The following TFB1M variants were observed in gnomAD, a reference collection of about 807,000 sequenced individuals.
The protein encoded by TFB1M is transcription factor B1, mitochondrial.
A neutral mutation model predicts 31.1 loss-of-function variants in TFB1M; 27 were observed. That is an observed-to-expected ratio of 0.87 (90% CI 0.64 to 1.20). The LOEUF (loss-of-function observed/expected upper bound fraction) is 1.20. Among genes scored for constraint, TFB1M ranks in the 50% most tolerant of loss-of-function variants. TFB1M has a pLI of 0.00. For synonymous variants in TFB1M, 166 were observed against 151.8 expected (o/e 1.09, Z -0.69); for missense variants, 394 against 418.7 (o/e 0.94, Z 0.51).
the TFB1M span, among the ~76,000 whole-genome samples, chr6:155,239,649 C>G: frequency 6.6e-6 from 1 of 152,206 alleles, no homozygotes; most frequent in Non-Finnish European, 1.5e-5. Flanking sequence ...AGTGGTCCCC[C>G]CAGATGGTCA....
At chr6:155,260,721 A>C in intron 5 of TFB1M, 1 of 395,714 alleles carries the variant, frequency 2.5e-6, no homozygotes, top group Non-Finnish European at 4.8e-6. Flanking sequence ...TCAGCAGATA[A>C]TAGATGGCAT....
chr6:155,279,529 G>A (rs1451841019), intron 5 of TFB1M, among the ~76,000 whole-genome samples: 2 of 152,076 alleles, frequency 1.3e-5, no homozygotes, highest in African/African-American at 2.4e-5. Context: ...GGCCCACTAG[G>A]GTAGTTAGAC....
At chr6:155,281,705 G>A (rs1420508627) in intron 5 of TFB1M, among the ~76,000 whole-genome samples, 3 of 124,180 alleles carry the variant, frequency 2.4e-5, no homozygotes, top group African/African-American at 9.5e-5. Flanking sequence ...CTGGGCGGCA[G>A]AGTGAGACTC....
At chr6:155,240,715 G>A in the TFB1M span, 1 of 1,606,026 alleles carries the variant, frequency 6.2e-7, no homozygotes, top group South Asian at 1.1e-5. Flanking sequence ...TGAAGGTAAG[G>A]GAAGAGCTGG....
At chr6:155,288,140 T>C (rs1776749207) in intron 4 of TFB1M, among the ~76,000 whole-genome samples, 1 of 152,178 alleles carries the variant, frequency 6.6e-6, no homozygotes, top group East Asian at 1.9e-4. Flanking sequence ...AAAAAATAGG[T>C]TCTGTGTGAG....
chr6:155,266,171 C>G (rs927585706), intron 5 of TFB1M, among the ~76,000 whole-genome samples: 1 of 152,110 alleles, frequency 6.6e-6, no homozygotes, highest in Non-Finnish European at 1.5e-5. Context: ...AGTTGACACT[C>G]AGTGTTAACC....
chr6:155,238,462 G>A, the TFB1M span, among the ~76,000 whole-genome samples: 1 of 152,050 alleles, frequency 6.6e-6, no homozygotes, highest in African/African-American at 2.4e-5. Flanking sequence ...CAGTGCCCCC[G>A]ACTCAAAAGA....
At chr6:155,241,697 G>A in the TFB1M span, among the ~76,000 whole-genome samples, 1 of 152,152 alleles carries the variant, frequency 6.6e-6, no homozygotes, top group African/African-American at 2.4e-5. Context: ...TGGCCTCAGA[G>A]GGGAGAAAGG....
intron 5 of TFB1M, among the ~76,000 whole-genome samples, chr6:155,283,969 A>G (rs374934518): frequency 6.6e-6 from 1 of 152,218 alleles, no homozygotes; most frequent in Non-Finnish European, 1.5e-5. Flanking sequence ...TCTGTCTTGG[A>G]TCTAATTATT....
downstream of TFB1M, chr6:155,253,223 G>A: frequency 1.8e-6 from 1 of 550,768 alleles, no homozygotes; most frequent in Non-Finnish European, 3.2e-6. Context: ...ACTTCTGGGA[G>A]AAACTAAATG....
chr6:155,251,605 T>TATA (rs756106883), downstream of TFB1M, among the ~76,000 whole-genome samples: 7 of 152,190 alleles, frequency 4.6e-5, no homozygotes, highest in Non-Finnish European at 8.8e-5. Context: ...GCTATCTTAA[T>TATA]AGTCTGCTGT....
chr6:155,276,043 A>G, intron 5 of TFB1M: 2 of 1,614,110 alleles, frequency 1.2e-6, no homozygotes, highest in South Asian at 2.2e-5. Context: ...CTCGCTTAGG[A>G]GGGGACAGAG....
chr6:155,237,653 A>C, the TFB1M span, among the ~76,000 whole-genome samples: 2 of 152,254 alleles, frequency 1.3e-5, no homozygotes, highest in Non-Finnish European at 2.9e-5. Context: ...ACTTATGTGC[A>C]CTGGCAGGCT....
At chr6:155,280,104 T>G (rs147548502) in intron 5 of TFB1M, among the ~76,000 whole-genome samples, 2 of 152,242 alleles carry the variant, frequency 1.3e-5, no homozygotes, top group Non-Finnish European at 2.9e-5. Flanking sequence ...TATTAAATGT[T>G]CCTGGTTGAA....
intron 2 of TFB1M, among the ~76,000 whole-genome samples, chr6:155,306,783 A>C (rs745835764): frequency 6.6e-6 from 1 of 152,156 alleles, no homozygotes; most frequent in Non-Finnish European, 1.5e-5. Context: ...ATGAGTGTTT[A>C]TTTTCTTGAT....
At chr6:155,290,329 C>G (rs533537520) in intron 4 of TFB1M, among the ~76,000 whole-genome samples, 1 of 142,826 alleles carries the variant, frequency 7.0e-6, no homozygotes, top group Non-Finnish European at 1.5e-5. Flanking sequence ...GGGCTTGCAG[C>G]GAGCCGAGAT....
At chr6:155,244,114 C>G in the TFB1M span, 2 of 1,584,076 alleles carry the variant, frequency 1.3e-6, no homozygotes, top group Non-Finnish European at 1.7e-6. Context: ...TCCAGTGATC[C>G]ACAGGTTAGT....
At chr6:155,294,088 T>C (rs1777053539) in intron 4 of TFB1M, among the ~76,000 whole-genome samples, 1 of 152,130 alleles carries the variant, frequency 6.6e-6, no homozygotes, top group South Asian at 2.1e-4. Context: ...CTGACAGAGG[T>C]GCTGACAGGG....
At chr6:155,252,049 T>C (rs767818256), downstream of TFB1M, 3 of 1,468,338 alleles carry the variant, frequency 2.0e-6, no homozygotes, top group Non-Finnish European at 2.8e-6. Context: ...TTCATAGCTG[T>C]ATCTTCCTAT....
Sources: allele counts gnomAD v4.1 joint callset (sites outside exome capture counted in the v4.1 genomes callset), GRCh38; gene constraint gnomAD v4.1.1; transcripts MANE v1.5; gene names NCBI Gene and HGNC (gene_info 2026-07-23, HGNC 2026-07-21).